The following ETNK1 variants were observed in gnomAD, a reference collection of about 807,000 sequenced individuals.
ETNK1 encodes the protein putative protein product of Nbla10396.
In ETNK1, 8 loss-of-function variants were observed where a neutral mutation model predicts 45.1. The ratio of observed to expected loss-of-function variants is 0.18; its 90% CI spans 0.10 to 0.32. The LOEUF (loss-of-function observed/expected upper bound fraction) is 0.32. Ranked by LOEUF, ETNK1 falls within the 10% of genes least tolerant of loss-of-function variation. ETNK1 has a pLI of 1.00. For synonymous variants in ETNK1, 152 were observed against 151.9 expected (o/e 1.00, Z -0.01); for missense variants, 302 against 430.6 (o/e 0.70, Z 2.64).
chr12:22,672,760 C>T (rs10505886), intron 5 of ETNK1, among the ~76,000 whole-genome samples: 7,112 of 152,196 alleles, frequency 0.047, 540 homozygotes, highest in African/African-American at 0.16. Flanking sequence ...ATGAAGGAGA[C>T]TACAGAGTTA....
At chr12:22,658,917 C>T in intron 2 of ETNK1, 97 bp from the exon 3 acceptor site, 12 of 1,275,462 alleles carry the variant, frequency 9.4e-6, no homozygotes, top group South Asian at 4.4e-5. Context: ...CAAGAAGATT[C>T]GGGAGACTGA....
chr12:22,662,727 C>A (rs1051407278), intron 4 of ETNK1, among the ~76,000 whole-genome samples: 3 of 152,144 alleles, frequency 2.0e-5, no homozygotes, highest in African/African-American at 7.2e-5. Flanking sequence ...ATAGTTATTA[C>A]AGTTGGAAGA....
chr12:22,651,978 G>A (rs1351852913), intron 2 of ETNK1, among the ~76,000 whole-genome samples: 1 of 152,028 alleles, frequency 6.6e-6, no homozygotes, highest in Non-Finnish European at 1.5e-5. Context: ...GAGCCACCAC[G>A]CCTGGCCAAT....
intron 2 of ETNK1, chr12:22,644,477 A>G (rs1953781444): frequency 4.0e-6 from 3 of 744,826 alleles, no homozygotes; most frequent in Non-Finnish European, 5.4e-6. Context: ...ATAAAGAATA[A>G]TGTCATATAT....
At chr12:22,680,932 TTTAG>T (rs1954209774) in intron 6 of ETNK1, among the ~76,000 whole-genome samples, 1 of 145,864 alleles carries the variant, frequency 6.9e-6, no homozygotes, top group Non-Finnish European at 1.5e-5. Flanking sequence ...GGGGATTTAT[TTTAG>T]TTATTTATTT....
At chr12:22,678,172 G>T (rs1326169312) in intron 6 of ETNK1, among the ~76,000 whole-genome samples, 1 of 151,928 alleles carries the variant, frequency 6.6e-6, no homozygotes, top group African/African-American at 2.4e-5. Flanking sequence ...TGTGCCTCTC[G>T]CATCTCAAGC....
intron 2 of ETNK1, among the ~76,000 whole-genome samples, chr12:22,653,087 C>A (rs986170014): frequency 6.6e-6 from 1 of 151,928 alleles, no homozygotes; most frequent in Non-Finnish European, 1.5e-5. Flanking sequence ...TTTTGTTGTC[C>A]TTTCCTCATT....
At chr12:22,648,923 T>C (rs543824272) in intron 2 of ETNK1, among the ~76,000 whole-genome samples, 1 of 152,224 alleles carries the variant, frequency 6.6e-6, no homozygotes, top group Non-Finnish European at 1.5e-5. Context: ...TTCTAATAGA[T>C]ATATAGTGGT....
At chr12:22,682,649 C>T (rs147656630) in intron 6 of ETNK1, among the ~76,000 whole-genome samples, 1 of 152,220 alleles carries the variant, frequency 6.6e-6, no homozygotes, top group African/African-American at 2.4e-5. Context: ...AAAGGACATT[C>T]TTTAGTGACA....
At chr12:22,682,965 A>G (rs1158920010) in intron 6 of ETNK1, among the ~76,000 whole-genome samples, 3 of 152,150 alleles carry the variant, frequency 2.0e-5, no homozygotes, top group Non-Finnish European at 4.4e-5. Context: ...ACTTTTTTAG[A>G]TAGAAGACCA....
chr12:22,639,450 G>A (rs1953704615), intron 1 of ETNK1, among the ~76,000 whole-genome samples: 1 of 152,154 alleles, frequency 6.6e-6, no homozygotes, highest in African/African-American at 2.4e-5. Context: ...GCCGAGGCGG[G>A]TGGATCACCT....
intron 1 of ETNK1, among the ~76,000 whole-genome samples, chr12:22,627,130 A>G (rs1953512177): frequency 1.3e-5 from 2 of 150,778 alleles, no homozygotes; most frequent in South Asian, 4.2e-4. Flanking sequence ...AATAATAGCT[A>G]CTGTGGGGTT....
chr12:22,669,866 A>C (rs1056059279), intron 4 of ETNK1, among the ~76,000 whole-genome samples: 9 of 152,070 alleles, frequency 5.9e-5, no homozygotes, highest in African/African-American at 2.2e-4. Context: ...GCCGTGATTT[A>C]TTGTCACCAA....
intron 4 of ETNK1, 141 bp downstream of exon 4, chr12:22,661,346 A>G (rs1314949962): frequency 1.4e-5 from 7 of 500,096 alleles, no homozygotes; most frequent in Non-Finnish European, 1.6e-5. Flanking sequence ...CTTTTAGTTT[A>G]TCAAGTTATG....
chr12:22,645,760 A>G (rs1953800558), intron 2 of ETNK1, among the ~76,000 whole-genome samples: 1 of 151,686 alleles, frequency 6.6e-6, no homozygotes, highest in African/African-American at 2.4e-5. Context: ...TATACAATAA[A>G]TTATTGTTAA....
rs1022201900 is a variant in ETNK1, at chr12:22,685,247, A to G, written c.*293A>G. ...AACCTATGTTGTATGTGAATTATTT[A>G]TTATAAACTTAGCACGATTCTGTGA... On this transcript the variant is annotated 3_prime_UTR_variant, in exon 8 of 8. Coordinates refer to ENST00000266517, the MANE Select transcript of ETNK1 (RefSeq NM_018638.5). 6.4e-5 allele frequency: 15 copies of G among 233,604 alleles called. No homozygotes were observed. The highest frequency in any genetic ancestry group is 1.3e-3 in the Middle Eastern group (1 of 754). 14.5% of individuals were successfully genotyped at this position (233,604 alleles called of 1,614,324 possible). A position where few individuals can be genotyped will look rare whatever the true frequency, so the allele number is the denominator to read the frequency against.
In ETNK1 at chr12:22,689,727, A is replaced by C. The variant is rs1488377327; in HGVS notation, c.*4773A>C. ...AGCTCCTGTGACTGGAAAAGACCCC[A>C]AAAAGGCAGTAGAGGAGATTAGTGT... On this transcript the variant is annotated 3_prime_UTR_variant, in exon 8 of 8. Coordinates refer to ENST00000266517, the MANE Select transcript of ETNK1 (RefSeq NM_018638.5). The C allele has an allele frequency of 6.6e-6, 1 of 152,000 alleles. No individual in the cohort carries two copies. The highest frequency in any genetic ancestry group is 1.9e-4 in the East Asian group (1 of 5,192). The allele number at this position is 152,000 out of a possible 1,614,324, so 9.4% of individuals were successfully genotyped here.
At chr12:22,668,749 A>T (rs1211318267) in intron 4 of ETNK1, among the ~76,000 whole-genome samples, 26 of 152,164 alleles carry the variant, frequency 1.7e-4, no homozygotes, top group Admixed American at 1.7e-3. Flanking sequence ...TATTTTTAAA[A>T]TTTCATTATT....
intron 1 of ETNK1, among the ~76,000 whole-genome samples, chr12:22,636,066 G>A (rs1953652205): frequency 6.6e-6 from 1 of 152,246 alleles, no homozygotes; most frequent in South Asian, 2.1e-4. Context: ...GGGTGGCTGA[G>A]GTGGGAGGAT....
Sources: gnomAD v4.1 joint callset for allele counts (sites outside exome capture counted in the v4.1 genomes callset) on GRCh38, gnomAD v4.1.1 for gene constraint, MANE v1.5 for transcripts, NCBI Gene and HGNC (gene_info 2026-07-23, HGNC 2026-07-21) for gene names.